Variants in PAMR1 observed in about 807,000 individuals in gnomAD.
PAMR1 encodes the protein inactive serine protease PAMR1.
In PAMR1, 88 loss-of-function variants were observed where a neutral mutation model predicts 81.8. The ratio of observed to expected loss-of-function variants is 1.08; its 90% CI spans 0.91 to 1.28. The LOEUF is 1.28. PAMR1 is among the 50% of genes most tolerant of loss of function. The pLI, the probability that PAMR1 is intolerant of heterozygous loss-of-function variation, is 0.00. For synonymous variants in PAMR1, 336 were observed against 345.3 expected, an observed-to-expected ratio of 0.97 and a Z score of 0.30; for missense variants, 935 against 919.7, an observed-to-expected ratio of 1.02 and a Z score of -0.21.
intron 1 of PAMR1, among the ~76,000 whole-genome samples, chr11:35,516,473 G>A (rs954019701): frequency 6.6e-6 from 1 of 152,146 alleles, no homozygotes; most frequent in Non-Finnish European, 1.5e-5. Flanking sequence ...TCCTTTAAAG[G>A]AGCAGCTGAT....
chr11:35,507,286 A>T (rs1850982298), intron 1 of PAMR1, among the ~76,000 whole-genome samples: 1 of 151,988 alleles, frequency 6.6e-6, no homozygotes, highest in African/African-American at 2.4e-5. Flanking sequence ...ACCTCAGGTG[A>T]TCTGCCCACC....
Position 35,467,495 on chromosome 11 carries a change from T to C in PAMR1, c.820+506A>G, listed in dbSNP as rs1029529128. On this transcript the variant is annotated intron_variant, in intron 6 of 10. Transcript: ENST00000619888. ...CATGTGTTAAAACATGACCATATAG[T>C]TTGTCATCCAATTCAAGACACTTTG... Among the ~76,000 whole-genome samples, 11 of 152,312 alleles carry C rather than the reference T, an allele frequency of 7.2e-5. 1 individual carries two copies. Among genetic ancestry groups the C allele is most frequent in the Admixed American group, 3.9e-4 (6 of 15,304 alleles).
intron 3 of PAMR1, among the ~76,000 whole-genome samples, chr11:35,482,317 G>A (rs1850411798): frequency 6.6e-6 from 1 of 152,122 alleles, no homozygotes; most frequent in Non-Finnish European, 1.5e-5. Flanking sequence ...GCTTGTTTTT[G>A]TCAGGTTTGT....
chr11:35,526,419 T>C (rs1386312895), upstream of PAMR1, among the ~76,000 whole-genome samples: 1 of 152,186 alleles, frequency 6.6e-6, no homozygotes, highest in Non-Finnish European at 1.5e-5. Flanking sequence ...CCAAAAGGGC[T>C]CAGTTTAGGT....
chr11:35,463,048 T>A (rs1856689952), intron 6 of PAMR1, among the ~76,000 whole-genome samples: 1 of 152,236 alleles, frequency 6.6e-6, no homozygotes, highest in East Asian at 1.9e-4. Context: ...TATATGCATC[T>A]GTCCGTGATG....
intron 4 of PAMR1, among the ~76,000 whole-genome samples, chr11:35,473,405 G>C (rs572607773): frequency 6.6e-6 from 1 of 152,182 alleles, no homozygotes; most frequent in Non-Finnish European, 1.5e-5. Flanking sequence ...AGGCCCAGAG[G>C]GGACCATTTG....
intron 1 of PAMR1, among the ~76,000 whole-genome samples, chr11:35,506,378 T>C (rs1375273546): frequency 2.0e-5 from 3 of 151,556 alleles, no homozygotes; most frequent in African/African-American, 7.3e-5. Context: ...CAGTGGGTTT[T>C]ATACCTTCAA....
At chr11:35,502,065 T>C (rs1590382287) in intron 1 of PAMR1, among the ~76,000 whole-genome samples, 1 of 152,164 alleles carries the variant, frequency 6.6e-6, no homozygotes, top group African/African-American at 2.4e-5. Flanking sequence ...GGTCCCTCTT[T>C]ATGTCTTCAC....
rs117824407 is a variant in PAMR1 at position 35,441,182 on chromosome 11, C to G, written c.1033+299G>C. Among the ~76,000 whole-genome samples, 239 of 152,246 alleles carry G rather than the reference C, an allele frequency of 1.6e-3. 2 individuals are homozygous for G. Among genetic ancestry groups the G allele is most frequent in the Non-Finnish European group, 2.8e-3 (192 of 68,024 alleles). On this transcript the variant is annotated intron_variant, in intron 7 of 10. Transcript: ENST00000619888. ...GCTTATACATTGCCTCAATTCTATA[C>G]TTGGATTTGCATATATTAAACTCAG... is the stretch of plus-strand genomic sequence containing the variant.
In PAMR1 at chr11:35,434,715, C is replaced by G; in HGVS notation, c.1423G>C (p.Val475Leu). The G allele has an allele frequency of 3.7e-6, 6 of 1,614,170 alleles. No individual in the cohort carries two copies. Among genetic ancestry groups the G allele is most frequent in the Non-Finnish European group, 1.7e-6 (2 of 1,180,028 alleles). Residue 475 changes from valine (V) to leucine (L), a missense_variant, in exon 10 of 11, where the codon GTG (valine) becomes CTG (leucine). Coordinates refer to ENST00000619888, the MANE Select transcript of PAMR1 (RefSeq NM_001001991.3). ...QAAIYRRTSGVHDGSLHKGAW... is the reference protein window; with the variant it reads ...QAAIYRRTSGLHDGSLHKGAW... ...CCCTTGTGTAGGCTGCCGTCATGCA[C>G]CCCGCTGGTCCTCCTGTAGATGGCT...
chr11:35,479,188 A>G (rs190202236), intron 3 of PAMR1, among the ~76,000 whole-genome samples: 92 of 152,278 alleles, frequency 6.0e-4, no homozygotes, highest in African/African-American at 2.0e-3. Flanking sequence ...GTTTCCTCTT[A>G]GAAAGAAAAG....
intron 1 of PAMR1, among the ~76,000 whole-genome samples, chr11:35,497,023 C>T (rs950789983): frequency 9.2e-5 from 14 of 151,914 alleles, no homozygotes; most frequent in Admixed American, 4.6e-4. Context: ...AAAAATTAGG[C>T]GGGAGCAGTG....
intron 8 of PAMR1, among the ~76,000 whole-genome samples, chr11:35,438,800 TG>T (rs757795431): frequency 2.0e-5 from 3 of 152,190 alleles, no homozygotes; most frequent in Non-Finnish European, 4.4e-5. Flanking sequence ...TAGAGAATTC[TG>T]GGTAAAGGGG....
At chr11:35,521,101 G>GAT (rs1485297991) in intron 1 of PAMR1, among the ~76,000 whole-genome samples, 1 of 152,170 alleles carries the variant, frequency 6.6e-6, no homozygotes, top group Non-Finnish European at 1.5e-5. Context: ...TATTGACCCA[G>GAT]ATATAACACC....
At chr11:35,488,214 T>G (rs1475556971) in intron 3 of PAMR1, among the ~76,000 whole-genome samples, 3 of 148,216 alleles carry the variant, frequency 2.0e-5, no homozygotes, top group Non-Finnish European at 4.5e-5. Context: ...TTTTTTTTTT[T>G]TTTTTTTGAG....
At chr11:35,475,050 GC>G (rs1850262031) in intron 3 of PAMR1, among the ~76,000 whole-genome samples, 1 of 152,140 alleles carries the variant, frequency 6.6e-6, no homozygotes, top group Middle Eastern at 3.2e-3. Context: ...AAGTGACGGA[GC>G]AAAGACTCAA....
chr11:35,498,125 G>A (rs759755719), intron 1 of PAMR1, among the ~76,000 whole-genome samples: 4 of 152,162 alleles, frequency 2.6e-5, no homozygotes, highest in Non-Finnish European at 5.9e-5. Context: ...ATAATATGCT[G>A]TAGTTTTGTA....
chr11:35,466,956 C>G (rs1856768926), intron 6 of PAMR1, among the ~76,000 whole-genome samples: 1 of 151,924 alleles, frequency 6.6e-6, no homozygotes, highest in South Asian at 2.1e-4. Context: ...CTTCCAATGG[C>G]CTGTACTTGT....
chr11:35,516,950 A>G (rs117318518), intron 1 of PAMR1, among the ~76,000 whole-genome samples: 1 of 152,196 alleles, frequency 6.6e-6, no homozygotes, highest in East Asian at 1.9e-4. Context: ...GAGAGGGGGG[A>G]AGGGGAAAAA....
Sources: allele counts gnomAD v4.1 joint callset (sites outside exome capture counted in the v4.1 genomes callset), GRCh38; gene constraint gnomAD v4.1.1; transcripts MANE v1.5; gene names NCBI Gene and HGNC (gene_info 2026-07-23, HGNC 2026-07-21).